The following SGIP1 variants were observed in gnomAD, a reference collection of about 807,000 sequenced individuals.
SGIP1 encodes SH3GL interacting endocytic adaptor 1.
Under a neutral mutation model 107.5 loss-of-function variants are expected in SGIP1, and 38 were observed. The ratio of observed to expected loss-of-function variants is 0.35; its 90% CI spans 0.27 to 0.46. The LOEUF (loss-of-function observed/expected upper bound fraction) is 0.46, where lower values mean the gene tolerates loss of function less well. Among genes scored for constraint, SGIP1 ranks in the 20% least tolerant of loss-of-function variants. The pLI is 1.00. For missense variants in SGIP1, 929 were observed against 1,019.5 expected (o/e 0.91, Z 1.21); for synonymous variants, 365 against 366.1 (o/e 1.00, Z 0.03).
intron 1 of SGIP1, among the ~76,000 whole-genome samples, chr1:66,622,310 A>T (rs1209712186): frequency 6.6e-6 from 1 of 152,180 alleles, no homozygotes; most frequent in Non-Finnish European, 1.5e-5. Context: ...TTTGTAAGAG[A>T]TTTAAAGGAG....
chr1:66,574,875 T>C (rs1315270729), intron 1 of SGIP1, among the ~76,000 whole-genome samples: 1 of 152,210 alleles, frequency 6.6e-6, no homozygotes, highest in African/African-American at 2.4e-5. Flanking sequence ...AGAAATTTAT[T>C]TAGAGATTAT....
intron 2 of SGIP1, among the ~76,000 whole-genome samples, chr1:66,630,260 A>G (rs2073968961): frequency 6.6e-6 from 1 of 152,182 alleles, no homozygotes; most frequent in African/African-American, 2.4e-5. Flanking sequence ...AAGATCCCCT[A>G]CTGATATGAC....
intron 22 of SGIP1, among the ~76,000 whole-genome samples, chr1:66,740,191 T>C (rs570446499): frequency 1.5e-4 from 23 of 152,332 alleles, no homozygotes; most frequent in African/African-American, 5.5e-4. Context: ...GGTATGGGAC[T>C]AGAAACTGAA....
At chr1:66,721,557 T>C (rs1367200291) in intron 19 of SGIP1, among the ~76,000 whole-genome samples, 2 of 152,112 alleles carry the variant, frequency 1.3e-5, no homozygotes, top group African/African-American at 4.8e-5. Context: ...TACAGGCACA[T>C]GCCACCACAC....
Position 66,625,917 on chromosome 1 carries a change from A to T in SGIP1, c.74+7A>T, listed in dbSNP as rs753998587. 7.5e-6 allele frequency: 12 copies of T among 1,608,754 alleles called. No homozygotes were observed. Among genetic ancestry groups the T allele is most frequent in the Non-Finnish European group, 1.0e-5 (12 of 1,176,986 alleles). On this transcript the variant is annotated splice_region_variant and intron_variant, in intron 2 of 24. Transcript: ENST00000371037. ...AAAAGGACACTGATTCTACGTATGT[A>T]CTTTAGGAGTTTGCCTCCTCGAAGA...
At chr1:66,669,827 G>C (rs780688239) in intron 9 of SGIP1, among the ~76,000 whole-genome samples, 2 of 152,230 alleles carry the variant, frequency 1.3e-5, no homozygotes, top group Non-Finnish European at 2.9e-5. Flanking sequence ...TAGCATAAAT[G>C]GGTTCAAAAT....
At chr1:66,596,875 T>G (rs1282972544) in intron 1 of SGIP1, among the ~76,000 whole-genome samples, 1 of 152,114 alleles carries the variant, frequency 6.6e-6, no homozygotes, top group Non-Finnish European at 1.5e-5. Context: ...CAATTGAGTA[T>G]CAAATAAAGG....
At chr1:66,595,828 T>C (rs1455012419) in intron 1 of SGIP1, among the ~76,000 whole-genome samples, 8 of 152,198 alleles carry the variant, frequency 5.3e-5, no homozygotes, top group Admixed American at 5.2e-4. Flanking sequence ...CTCAAAATGG[T>C]ACATACTGTA....
chr1:66,717,657 G>A (rs926471062), intron 18 of SGIP1, among the ~76,000 whole-genome samples: 4 of 152,126 alleles, frequency 2.6e-5, no homozygotes, highest in Non-Finnish European at 5.9e-5. Flanking sequence ...AACGTCCTCA[G>A]AGTCTAAGCT....
At chr1:66,694,533 G>A (rs746761360) in intron 17 of SGIP1, 5 of 1,533,986 alleles carry the variant, frequency 3.3e-6, no homozygotes, top group Non-Finnish European at 3.5e-6. Context: ...GATCTCTAGA[G>A]ACCTAGATTC....
At chr1:66,596,956 A>C (rs1009275958) in intron 1 of SGIP1, among the ~76,000 whole-genome samples, 11 of 152,154 alleles carry the variant, frequency 7.2e-5, no homozygotes, top group Non-Finnish European at 1.3e-4. Flanking sequence ...GTATTCTTAA[A>C]ATTTTGTAAT....
intron 14 of SGIP1, 115 bp from the exon 15 acceptor site, chr1:66,681,754 A>T: frequency 1.0e-6 from 1 of 1,000,760 alleles, no homozygotes; most frequent in Non-Finnish European, 1.5e-6. Context: ...ATCATGAAGT[A>T]TGCCCACTGA....
intron 1 of SGIP1, among the ~76,000 whole-genome samples, chr1:66,601,500 T>C (rs2065819067): frequency 6.7e-6 from 1 of 149,262 alleles, no homozygotes; most frequent in Non-Finnish European, 1.5e-5. Context: ...GGAGGGGTTA[T>C]TTGTTTTTGA....
At chr1:66,673,417 G>A in intron 12 of SGIP1, 51 bp downstream of exon 12, 2 of 1,445,386 alleles carry the variant, frequency 1.4e-6, no homozygotes, top group Non-Finnish European at 1.9e-6. Flanking sequence ...TTTTATTAAA[G>A]TACAACTCTT....
At chr1:66,659,334 G>T (rs1193437832) in intron 7 of SGIP1, among the ~76,000 whole-genome samples, 1 of 152,094 alleles carries the variant, frequency 6.6e-6, no homozygotes, top group Non-Finnish European at 1.5e-5. Context: ...AGGGGCCATT[G>T]ACCACTCACA....
chr1:66,698,997 T>A (rs1168793369), intron 18 of SGIP1, among the ~76,000 whole-genome samples: 6 of 151,886 alleles, frequency 4.0e-5, no homozygotes, highest in Non-Finnish European at 7.4e-5. Context: ...TCATATAGCC[T>A]CTTACATCTC....
At chr1:66,612,393 C>T (rs892647906) in intron 1 of SGIP1, among the ~76,000 whole-genome samples, 1 of 152,216 alleles carries the variant, frequency 6.6e-6, no homozygotes, top group Non-Finnish European at 1.5e-5. Flanking sequence ...CAGAAGGAAT[C>T]GGAAAGCATA....
At chr1:66,730,916 C>G (rs942162947) in intron 20 of SGIP1, among the ~76,000 whole-genome samples, 1 of 152,188 alleles carries the variant, frequency 6.6e-6, no homozygotes, top group Non-Finnish European at 1.5e-5. Flanking sequence ...CTCAGCTCTA[C>G]TCTGCCTCCT....
intron 14 of SGIP1, among the ~76,000 whole-genome samples, chr1:66,680,588 A>G (rs1461171571): frequency 6.6e-6 from 1 of 152,224 alleles, no homozygotes; most frequent in African/African-American, 2.4e-5. Context: ...TATTGACTCA[A>G]ACCCAATAGA....
Sources: allele counts gnomAD v4.1 joint callset (sites outside exome capture counted in the v4.1 genomes callset), GRCh38; gene constraint gnomAD v4.1.1; transcripts MANE v1.5; gene names NCBI Gene and HGNC (gene_info 2026-07-23, HGNC 2026-07-21).